Variants in MYO6 observed in about 807,000 individuals in gnomAD.
MYO6 encodes myosin VI.
Under a neutral mutation model 178.7 loss-of-function variants are expected in MYO6, and 74 were observed. The observed-to-expected ratio is 0.41, with a 90% CI of 0.34 to 0.50. The LOEUF is 0.50. Ranked by LOEUF, MYO6 falls within the 20% of genes least tolerant of loss-of-function variation. MYO6 has a pLI of 0.09. For missense variants in MYO6, 1,330 were observed against 1,547.4 expected, an observed-to-expected ratio of 0.86 and a Z score of 2.36; for synonymous variants, 477 against 504.6, an observed-to-expected ratio of 0.95 and a Z score of 0.73.
At chr6:75,814,872 A>AC (rs891406062) in intron 1 of MYO6, among the ~76,000 whole-genome samples, 7 of 152,002 alleles carry the variant, frequency 4.6e-5, no homozygotes, top group Admixed American at 2.0e-4. Context: ...CTCAAAAAAA[A>AC]AAAAAAAAGA....
At chr6:75,786,334 T>C (rs573446971) in intron 1 of MYO6, among the ~76,000 whole-genome samples, 282 of 152,328 alleles carry the variant, frequency 1.9e-3, no homozygotes, top group Non-Finnish European at 3.2e-3. Flanking sequence ...TTTCTTCCTG[T>C]CTAGGTCTTC....
chr6:75,915,072 G>T lies in MYO6; in HGVS notation c.*60G>T. 1 of 1,471,950 alleles carries T rather than the reference G, an allele frequency of 6.8e-7. No homozygotes were observed. Among genetic ancestry groups the T allele is most frequent in the Non-Finnish European group, 9.3e-7 (1 of 1,071,008 alleles). The allele number at this position is 1,471,950 out of a possible 1,614,324, so 91.2% of individuals were successfully genotyped here. A position where few individuals can be genotyped will look rare whatever the true frequency, so the allele number is the denominator to read the frequency against. ...GCCATGGTACTTAGGTAGGGTGTGT[G>T]CCCCCAGATTTAACCATTCCATAAT... On this transcript the variant is annotated 3_prime_UTR_variant, in exon 35 of 35. Transcript: ENST00000369977.
chr6:75,771,020 CCT>C (rs1297539827), intron 1 of MYO6, among the ~76,000 whole-genome samples: 1 of 150,002 alleles, frequency 6.7e-6, no homozygotes, highest in Non-Finnish European at 1.5e-5. Flanking sequence ...TTTTTTCCCC[CCT>C]GAGATGGTCT....
intron 29 of MYO6, among the ~76,000 whole-genome samples, chr6:75,896,664 G>A (rs1200117231): frequency 6.6e-6 from 1 of 152,202 alleles, no homozygotes; most frequent in Non-Finnish European, 1.5e-5. Context: ...ACATGTTAAA[G>A]TTAAATGGGG....
At chr6:75,782,427 G>A (rs919054131) in intron 1 of MYO6, among the ~76,000 whole-genome samples, 6 of 151,864 alleles carry the variant, frequency 4.0e-5, no homozygotes, top group African/African-American at 1.5e-4. Context: ...TTTGGAAGGG[G>A]CAGGACAGCA....
chr6:75,877,040 T>A (rs544437458), intron 20 of MYO6, among the ~76,000 whole-genome samples: 1 of 152,182 alleles, frequency 6.6e-6, no homozygotes, highest in East Asian at 1.9e-4. Context: ...AATGGTGCGC[T>A]CTTGGCTCAC....
At chr6:75,768,084 T>A (rs1405579531) in intron 1 of MYO6, 1 of 151,146 alleles carries the variant, frequency 6.6e-6, no homozygotes, top group African/African-American at 2.4e-5. Flanking sequence ...TTTACCAGTT[T>A]GCATTTGCCC....
intron 23 of MYO6, among the ~76,000 whole-genome samples, chr6:75,884,339 T>A (rs1778265242): frequency 6.6e-6 from 1 of 152,248 alleles, no homozygotes; most frequent in African/African-American, 2.4e-5. Flanking sequence ...CAGCTTTTCA[T>A]AAACTCATTT....
At chr6:75,763,320 G>C (rs570587654) in intron 1 of MYO6, among the ~76,000 whole-genome samples, 1 of 152,062 alleles carries the variant, frequency 6.6e-6, no homozygotes, top group East Asian at 1.9e-4. Flanking sequence ...CACTGTGCCC[G>C]GCATAATTTT....
intron 30 of MYO6, 126 bp downstream of exon 30, chr6:75,898,537 C>A: frequency 2.5e-6 from 2 of 797,042 alleles, no homozygotes; most frequent in Non-Finnish European, 2.1e-6. Context: ...AGTGATATTT[C>A]TTTCTGTACA....
intron 22 of MYO6, among the ~76,000 whole-genome samples, chr6:75,880,637 G>A (rs746150811): frequency 6.6e-6 from 1 of 152,204 alleles, no homozygotes; most frequent in Non-Finnish European, 1.5e-5. Context: ...AGAACTAATA[G>A]TCTCATAGAG....
chr6:75,866,676 A>C (rs1776731269), intron 17 of MYO6, 55 bp downstream of exon 17: 2 of 1,389,936 alleles, frequency 1.4e-6, no homozygotes, highest in Non-Finnish European at 2.0e-6. Flanking sequence ...TGCACTGTAC[A>C]GTATGATAGC....
At chr6:75,791,135 G>A (rs574193171) in intron 1 of MYO6, among the ~76,000 whole-genome samples, 3 of 152,124 alleles carry the variant, frequency 2.0e-5, no homozygotes, top group Admixed American at 6.6e-5. Flanking sequence ...GGGTTTCACC[G>A]TGTTAGCCAG....
At chr6:75,879,039 C>T (rs1033301204) in intron 20 of MYO6, among the ~76,000 whole-genome samples, 2 of 152,170 alleles carry the variant, frequency 1.3e-5, no homozygotes, top group African/African-American at 4.8e-5. Context: ...ACAGTGAGCT[C>T]TTCTTTCTTT....
intron 12 of MYO6, among the ~76,000 whole-genome samples, chr6:75,855,559 A>T (rs1775660762): frequency 6.6e-6 from 1 of 152,178 alleles, no homozygotes; most frequent in Non-Finnish European, 1.5e-5. Flanking sequence ...AGTTTTAGGC[A>T]ACAGATCATT....
At position 75,828,552 on chromosome 6, in the gene MYO6, A is replaced by G; in HGVS notation, c.200A>G (p.Tyr67Cys). 1.9e-6 allele frequency: 3 copies of G among 1,565,968 alleles called. No homozygotes were observed. The highest frequency in any genetic ancestry group is 1.4e-5 in the African/African-American group (1 of 73,970). Residue 67 changes from tyrosine (Y) to cysteine (C), a missense_variant, in exon 4 of 35, where the codon TAT becomes TGT. Physicochemically the swap from Tyr to Cys is radical, Grantham distance 194 (BLOSUM62 -2). Coordinates refer to ENST00000369977, the MANE Select transcript of MYO6 (RefSeq NM_004999.4). ...KDVEDNCSLM[Y>C]LNEATLLHNI... is the part of the protein sequence containing the mutation. The stretch of plus-strand genomic sequence containing the variant: ...TTTTATGTCTTAGGTTCACTAATGT[A>G]TTTAAATGAAGCCACACTGCTCCAT...
intron 7 of MYO6, among the ~76,000 whole-genome samples, chr6:75,837,639 A>G (rs1773779557): frequency 6.6e-6 from 1 of 152,214 alleles, no homozygotes; most frequent in Non-Finnish European, 1.5e-5. Flanking sequence ...ACAATGATGT[A>G]AAATCTGCAT....
chr6:75,824,226 A>G (rs1365880864), intron 3 of MYO6, among the ~76,000 whole-genome samples: 1 of 152,190 alleles, frequency 6.6e-6, no homozygotes, highest in Non-Finnish European at 1.5e-5. Flanking sequence ...TTGTCTTGCT[A>G]TGCTTGTCTA....
chr6:75,756,698 G>A (rs1582971444), intron 1 of MYO6, among the ~76,000 whole-genome samples: 1 of 152,010 alleles, frequency 6.6e-6, no homozygotes, highest in Non-Finnish European at 1.5e-5. Context: ...GAGTATTTTT[G>A]TATACATTAG....
Sources: gnomAD v4.1 joint callset for allele counts (sites outside exome capture counted in the v4.1 genomes callset) on GRCh38, gnomAD v4.1.1 for gene constraint, MANE v1.5 for transcripts, NCBI Gene and HGNC (gene_info 2026-07-23, HGNC 2026-07-21) for gene names.